The following ADGRV1 variants were observed in gnomAD, a reference collection of about 807,000 sequenced individuals.
ADGRV1 encodes the protein adhesion G protein-coupled receptor V1.
In ADGRV1, 359 loss-of-function variants were observed where a neutral mutation model predicts 596.2. The ratio of observed to expected loss-of-function variants is 0.60; its 90% CI spans 0.55 to 0.66. The LOEUF (loss-of-function observed/expected upper bound fraction) is 0.66, where lower values mean the gene tolerates loss of function less well. ADGRV1 is among the 30% of genes least tolerant of loss of function. The pLI is 0.00. For missense variants in ADGRV1, 7,274 were observed against 7,575.6 expected (o/e 0.96, Z 1.48); for synonymous variants, 2,681 against 2,679.2 (o/e 1.00, Z -0.02).
chr5:90,930,156 T>G (rs933808088), intron 83 of ADGRV1, among the ~76,000 whole-genome samples: 1 of 152,238 alleles, frequency 6.6e-6, no homozygotes, highest in Admixed American at 6.5e-5. Context: ...TTAACAGTAC[T>G]ATTTTAAGGA....
At chr5:90,940,822 A>C (rs1776110315) in intron 83 of ADGRV1, among the ~76,000 whole-genome samples, 1 of 120,748 alleles carries the variant, frequency 8.3e-6, no homozygotes, top group African/African-American at 2.8e-5. Flanking sequence ...GGGGAATTAC[A>C]TTCAGCCACT....
At chr5:90,985,663 A>T in intron 85 of ADGRV1, 141 bp downstream of exon 85, 1 of 572,900 alleles carries the variant, frequency 1.7e-6, no homozygotes, top group South Asian at 3.3e-5. Flanking sequence ...TACTCTAATT[A>T]CTCTTTTAAA....
At chr5:91,140,234 C>T (rs1198079531) in intron 87 of ADGRV1, among the ~76,000 whole-genome samples, 1 of 152,144 alleles carries the variant, frequency 6.6e-6, no homozygotes, top group Non-Finnish European at 1.5e-5. Context: ...AAAGTGATCC[C>T]TTCTCCTCCC....
intron 83 of ADGRV1, among the ~76,000 whole-genome samples, chr5:90,874,321 A>G (rs1320534972): frequency 6.6e-6 from 1 of 151,536 alleles, no homozygotes; most frequent in Non-Finnish European, 1.5e-5. Context: ...GACTCACTCA[A>G]CTCTTACGTT....
At position 90,629,533 on chromosome 5, in the gene ADGRV1, A is replaced by G. The variant is rs768726561; in HGVS notation, c.1833A>G (p.Leu611=). The part of the protein sequence containing the change: ...DAFLQNGAHF[L]VQLETVELLN... ...TCCTTCAAAATGGAGCTCACTTTCT[A>G]GTACAGGTACTTGTATGATTAAAAT... The change falls in exon 9 of 90, where the codon CTA becomes CTG. Residue 611 remains leucine (L), a synonymous_variant. Coordinates refer to ENST00000405460, the MANE Select transcript of ADGRV1 (RefSeq NM_032119.4). The G allele has an allele frequency of 2.5e-6, 4 of 1,604,164 alleles. No homozygotes were observed. Among genetic ancestry groups the G allele is most frequent in the South Asian group, 1.1e-5 (1 of 90,372 alleles).
At chr5:91,035,863 A>ATATATATATATATAATATATATAATATAT (rs1784851341) in intron 85 of ADGRV1, among the ~76,000 whole-genome samples, 1 of 104,080 alleles carries the variant, frequency 9.6e-6, no homozygotes, top group Non-Finnish European at 2.0e-5. Flanking sequence ...TATATATATT[A>ATATATATATATATAATATATATAATATAT]TATATATATA....
At chr5:90,708,957 T>A (rs1333424948) in intron 39 of ADGRV1, 48 bp downstream of exon 39, 1 of 1,251,624 alleles carries the variant, frequency 8.0e-7, no homozygotes, top group Non-Finnish European at 1.2e-6. Flanking sequence ...TCAAATGAAA[T>A]GAAGAAACTT....
chr5:90,649,854 A>G (rs1047749793), intron 17 of ADGRV1, among the ~76,000 whole-genome samples: 3 of 152,184 alleles, frequency 2.0e-5, no homozygotes, highest in African/African-American at 4.8e-5. Flanking sequence ...AAATATATTT[A>G]TTAATATTTG....
chr5:90,911,776 A>C (rs753273491), intron 83 of ADGRV1, among the ~76,000 whole-genome samples: 3 of 152,130 alleles, frequency 2.0e-5, no homozygotes, highest in Non-Finnish European at 2.9e-5. Flanking sequence ...GAAGATTATA[A>C]GCTTTTGGAA....
intron 16 of ADGRV1, among the ~76,000 whole-genome samples, chr5:90,646,712 A>C (rs1049451529): frequency 5.3e-5 from 8 of 151,418 alleles, no homozygotes; most frequent in African/African-American, 1.7e-4. Context: ...TACCTAATGC[A>C]GGAATTGCAG....
chr5:91,035,861 T>TATTATATATATATATATA, intron 85 of ADGRV1, among the ~76,000 whole-genome samples: 88 of 96,372 alleles, frequency 9.1e-4, no homozygotes, highest in African/African-American at 2.7e-3. Flanking sequence ...TATATATATA[T>TATTATATATATATATATA]TATATATATA....
intron 27 of ADGRV1, among the ~76,000 whole-genome samples, 156 bp downstream of exon 27, chr5:90,681,610 G>A (rs1309475609): frequency 1.3e-5 from 2 of 152,054 alleles, no homozygotes; most frequent in African/African-American, 2.4e-5. Flanking sequence ...TCAAACAGTC[G>A]TTTGGCATTT....
chr5:91,059,745 C>A (rs1787231551), intron 85 of ADGRV1, among the ~76,000 whole-genome samples: 1 of 152,160 alleles, frequency 6.6e-6, no homozygotes, highest in South Asian at 2.1e-4. Context: ...GAAATTAATT[C>A]ATGACCTCTA....
chr5:91,015,310 G>C (rs554452915), intron 85 of ADGRV1, among the ~76,000 whole-genome samples: 1 of 152,130 alleles, frequency 6.6e-6, no homozygotes, highest in African/African-American at 2.4e-5. Context: ...TTATGTGGTA[G>C]ATTTTAAAGT....
rs1269098240 is a variant in ADGRV1, at chr5:91,013,330, C to T, written c.18152+27808C>T. Among the ~76,000 whole-genome samples the T allele has an allele frequency of 3.9e-5, 6 of 152,238 alleles. No individual in the cohort carries two copies. In the East Asian group the frequency reaches 7.7e-4, roughly 20 times the overall value. On this transcript the variant is annotated intron_variant, in intron 85 of 89. Coordinates refer to ENST00000405460, the MANE Select transcript of ADGRV1 (RefSeq NM_032119.4). ...TTGGACTAATTTACATTAGCACCAA[C>T]AGTGTATAATTGTCCCCTTTTCTTG...
chr5:90,798,294 C>A (rs1455592909), intron 70 of ADGRV1, among the ~76,000 whole-genome samples: 1 of 152,150 alleles, frequency 6.6e-6, no homozygotes, highest in Non-Finnish European at 1.5e-5. Context: ...ATACTATAAA[C>A]ACCTCTATGC....
chr5:91,040,377 A>T (rs1322031103), intron 85 of ADGRV1, among the ~76,000 whole-genome samples: 1 of 152,182 alleles, frequency 6.6e-6, no homozygotes, highest in East Asian at 1.9e-4. Context: ...CTCAAAGGTA[A>T]AGTGACCAGT....
At chr5:90,928,886 C>G (rs918979744) in intron 83 of ADGRV1, among the ~76,000 whole-genome samples, 1,641 of 143,758 alleles carry the variant, frequency 0.011, 12 homozygotes, top group Middle Eastern at 0.015. Flanking sequence ...TTGGAATAGC[C>G]TGCCGTGTGA....
intron 83 of ADGRV1, among the ~76,000 whole-genome samples, chr5:90,948,239 A>G (rs990699991): frequency 1.3e-5 from 2 of 152,194 alleles, no homozygotes; most frequent in African/African-American, 4.8e-5. Context: ...TGAAATTTTT[A>G]TGTTTTATAA....
Sources: gnomAD v4.1 joint callset for allele counts (sites outside exome capture counted in the v4.1 genomes callset) on GRCh38, gnomAD v4.1.1 for gene constraint, MANE v1.5 for transcripts, NCBI Gene and HGNC (gene_info 2026-07-23, HGNC 2026-07-21) for gene names.